The following MICAL2 variants were observed in gnomAD, a reference collection of about 807,000 sequenced individuals.
MICAL2 encodes the protein microtubule associated monooxygenase, calponin and LIM domain containing 2.
MICAL2 carries 77 observed loss-of-function variants against 127.3 expected under a neutral mutation model. The ratio of observed to expected loss-of-function variants is 0.60; its 90% confidence interval spans 0.50 to 0.73. MICAL2 has a LOEUF of 0.73. Among genes scored for constraint, MICAL2 ranks in the 30% least tolerant of loss-of-function variants. MICAL2 has a pLI of 0.00. For missense variants in MICAL2, 1,351 were observed against 1,434.4 expected (o/e 0.94, Z 0.94); for synonymous variants, 570 against 551.1 (o/e 1.03, Z -0.48).
chr11:12,261,106 T>C, intron 26 of MICAL2: 1 of 985,508 alleles, frequency 1.0e-6, no homozygotes, highest in Non-Finnish European at 1.2e-6. Flanking sequence ...AGTGGAAGAC[T>C]CTGTCCACTT....
At chr11:12,214,457 G>C (rs1157004580) in intron 7 of MICAL2, among the ~76,000 whole-genome samples, 1 of 152,126 alleles carries the variant, frequency 6.6e-6, no homozygotes, top group Non-Finnish European at 1.5e-5. Flanking sequence ...TTCTCATTCA[G>C]TGTCACATTC....
chr11:12,268,195 T>C (rs1590715063), downstream of MICAL2, among the ~76,000 whole-genome samples: 1 of 152,246 alleles, frequency 6.6e-6, no homozygotes. Context: ...TTGTGTGTCC[T>C]GGCTGCCACT....
At chr11:12,314,177 C>G (rs1182422692) in intron 29 of MICAL2, among the ~76,000 whole-genome samples, 1 of 151,810 alleles carries the variant, frequency 6.6e-6, no homozygotes, top group African/African-American at 2.4e-5. Flanking sequence ...AACATAATTA[C>G]TGATATATTT....
At chr11:12,274,523 G>A (rs1863704747), upstream of MICAL2, 1 of 152,260 alleles carries the variant, frequency 6.6e-6, no homozygotes, top group Non-Finnish European at 1.5e-5. Flanking sequence ...TATTAAATAG[G>A]ATGGTCAGGG....
In MICAL2 at chr11:12,242,976, T is replaced by C. The variant is rs115863210; in HGVS notation, c.2658+204T>C. ...AGATTCAAAATAAATAAATACATCATGAGAAAGGAAAAACTAAGACAGGAA... is the reference window on the plus strand; with the variant it reads ...AGATTCAAAATAAATAAATACATCACGAGAAAGGAAAAACTAAGACAGGAA... On this transcript the variant is annotated intron_variant, in intron 20 of 27. Coordinates refer to ENST00000683283, the MANE Select transcript of MICAL2 (RefSeq NM_001282663.2). 307 of 452,168 alleles carry C rather than the reference T, an allele frequency of 6.8e-4. 1 individual carries two copies. The highest frequency in any genetic ancestry group is 5.9e-3 in the African/African-American group (285 of 48,026). 28.0% of individuals were successfully genotyped at this position (452,168 alleles called of 1,614,324 possible). A position where few individuals can be genotyped will look rare whatever the true frequency, so the allele number is the denominator to read the frequency against.
intron 16 of MICAL2, 146 bp downstream of exon 16, chr11:12,236,391 A>C: frequency 2.8e-6 from 2 of 721,436 alleles, no homozygotes; most frequent in Middle Eastern, 3.1e-4. Context: ...ATGGAAAAAC[A>C]GTTGGGGTTT....
intron 22 of MICAL2, among the ~76,000 whole-genome samples, chr11:12,250,538 A>G (rs1372436610): frequency 6.6e-6 from 1 of 152,244 alleles, no homozygotes; most frequent in Non-Finnish European, 1.5e-5. Context: ...GAAATGGCGT[A>G]TGTGAGGTTA....
chr11:12,224,134 G>A (rs1216921988), intron 12 of MICAL2, among the ~76,000 whole-genome samples: 4 of 152,018 alleles, frequency 2.6e-5, no homozygotes, highest in Non-Finnish European at 5.9e-5. Flanking sequence ...TTACTGTTAC[G>A]CAAACATAGC....
In MICAL2 at chr11:12,222,859, C is replaced by T; in HGVS notation, c.1449+116C>T. The T allele has an allele frequency of 3.0e-6, 4 of 1,332,656 alleles. No homozygotes were observed. In the South Asian group the frequency reaches 5.7e-5, roughly 19 times the overall value. The allele number at this position is 1,332,656 out of a possible 1,614,324, so 82.6% of individuals were successfully genotyped here. ...ATTCCTGGGACTAAGGCCACCAAGG[C>T]CTGCTGGCCTAATGGTGGGACCAGT... On this transcript the variant is annotated intron_variant, in intron 11 of 27. Coordinates refer to ENST00000683283, the MANE Select transcript of MICAL2 (RefSeq NM_001282663.2).
rs1371321691 is a variant in MICAL2, at chr11:12,162,148, C to T, written c.-8C>T. The T allele has an allele frequency of 6.2e-7, 1 of 1,614,124 alleles. No homozygotes were observed. Among genetic ancestry groups the T allele is most frequent in the African/African-American group, 1.3e-5 (1 of 75,028 alleles). ...CGCCGCACCACTGCCGCACACGACT[C>T]CTGAACCATGGGGGAAAACGAGGAT... On this transcript the variant is annotated 5_prime_UTR_variant, in exon 3 of 28. Coordinates refer to ENST00000683283, the MANE Select transcript of MICAL2 (RefSeq NM_001282663.2).
intron 2 of MICAL2, among the ~76,000 whole-genome samples, chr11:12,157,131 C>T (rs1406318412): frequency 6.6e-6 from 1 of 152,224 alleles, no homozygotes; most frequent in Non-Finnish European, 1.5e-5. Flanking sequence ...TGTCCACCCC[C>T]ATATCTCCTT....
At chr11:12,227,152 G>A (rs200012678) in intron 15 of MICAL2, 21 bp downstream of exon 15, 15 of 1,550,822 alleles carry the variant, frequency 9.7e-6, no homozygotes, top group African/African-American at 8.2e-5. Flanking sequence ...GCCTGGTTTC[G>A]GTTTTATTTC....
chr11:12,206,969 A>G (rs1457506888), intron 4 of MICAL2, among the ~76,000 whole-genome samples: 1 of 152,102 alleles, frequency 6.6e-6, no homozygotes, highest in Non-Finnish European at 1.5e-5. Flanking sequence ...TTCTAGAAAG[A>G]AGGGCGTAGA....
At chr11:12,134,130 G>C (rs1429504775) in intron 1 of MICAL2, among the ~76,000 whole-genome samples, 4 of 152,272 alleles carry the variant, frequency 2.6e-5, no homozygotes, top group African/African-American at 9.6e-5. Flanking sequence ...TGATCATCCA[G>C]TTCCCAGTGT....
chr11:12,318,851 C>T (rs1441369896), intron 29 of MICAL2, among the ~76,000 whole-genome samples: 2 of 152,158 alleles, frequency 1.3e-5, no homozygotes, highest in East Asian at 3.9e-4. Flanking sequence ...GATCACAGAG[C>T]GATTCTAGTT....
intron 29 of MICAL2, among the ~76,000 whole-genome samples, chr11:12,305,579 A>G (rs1436582147): frequency 6.6e-6 from 1 of 152,214 alleles, no homozygotes; most frequent in Non-Finnish European, 1.5e-5. Context: ...AACTAATGAT[A>G]GAATCATTAT....
At chr11:12,261,114 C>T in intron 26 of MICAL2, 2 of 985,536 alleles carry the variant, frequency 2.0e-6, no homozygotes, top group African/African-American at 1.7e-5. Context: ...ACTCTGTCCA[C>T]TTATGTGGTG....
At chr11:12,301,681 C>T (rs1353523509) in intron 29 of MICAL2, among the ~76,000 whole-genome samples, 1 of 152,076 alleles carries the variant, frequency 6.6e-6, no homozygotes, top group Non-Finnish European at 1.5e-5. Flanking sequence ...GGGAGGTGGT[C>T]AGGCTGGGGC....
intron 3 of MICAL2, among the ~76,000 whole-genome samples, chr11:12,187,499 C>T (rs571588685): frequency 6.6e-6 from 1 of 152,322 alleles, no homozygotes; most frequent in Admixed American, 6.5e-5. Flanking sequence ...GCGGCAGGCC[C>T]TGGCCCTTCT....
Sources: gnomAD v4.1 joint callset for allele counts (sites outside exome capture counted in the v4.1 genomes callset) on GRCh38, gnomAD v4.1.1 for gene constraint, MANE v1.5 for transcripts, NCBI Gene and HGNC (gene_info 2026-07-23, HGNC 2026-07-21) for gene names.